Variants in FGF14 observed in about 807,000 individuals in gnomAD.
The protein encoded by FGF14 is fibroblast growth factor homologous factor 4.
A neutral mutation model predicts 25.5 loss-of-function variants in FGF14; 5 were observed. The observed-to-expected ratio is 0.20, with a 90% CI of 0.10 to 0.41. The LOEUF is 0.41. Ranked by LOEUF, FGF14 falls within the 10% of genes least tolerant of loss-of-function variation. The pLI, the probability that FGF14 is intolerant of heterozygous loss-of-function variation, is 1.00. For synonymous variants in FGF14, 138 were observed against 118.3 expected, an observed-to-expected ratio of 1.17 and a Z score of -1.08; for missense variants, 222 against 320.1, an observed-to-expected ratio of 0.69 and a Z score of 2.34.
At chr13:102,094,983 G>T (rs2044325255) in intron 1 of FGF14, among the ~76,000 whole-genome samples, 1 of 152,056 alleles carries the variant, frequency 6.6e-6, no homozygotes, top group African/African-American at 2.4e-5. Context: ...TTTATGGAAG[G>T]GGTTATCAAC....
chr13:101,790,658 G>T (rs2040183841), intron 3 of FGF14, among the ~76,000 whole-genome samples: 1 of 151,974 alleles, frequency 6.6e-6, no homozygotes, highest in African/African-American at 2.4e-5. Flanking sequence ...ACTTCAGCAT[G>T]CCTCATTGTC....
chr13:102,289,955 G>GA (rs1295733822), intron 1 of FGF14, among the ~76,000 whole-genome samples: 7 of 152,008 alleles, frequency 4.6e-5, no homozygotes, highest in African/African-American at 1.7e-4. Context: ...AGTGAAGTCA[G>GA]AACGTGGTAG....
chr13:102,364,333 T>G lies in FGF14; in HGVS notation c.208+37138A>C, dbSNP rs373486487. ...GACACTACTTTCATTCCAATTTGTT[T>G]TCATGGTTTTGAAATGTGTATAACA... On this transcript the variant is annotated intron_variant, in intron 1 of 4. Transcript: ENST00000376131. Among the ~76,000 whole-genome samples, 11 of 152,344 alleles carry G rather than the reference T, an allele frequency of 7.2e-5. No homozygotes were observed. The East Asian group carries it at 2.1e-3, about 29-fold the overall frequency.
At chr13:101,848,336 C>G (rs11619506) in intron 3 of FGF14, among the ~76,000 whole-genome samples, 33,147 of 151,564 alleles carry the variant, frequency 0.22, 4,041 homozygotes, top group East Asian at 0.52. Flanking sequence ...TCTTATATAC[C>G]ATCAGAATTA....
chr13:102,152,483 G>C (rs2047129353), intron 1 of FGF14, among the ~76,000 whole-genome samples: 1 of 152,160 alleles, frequency 6.6e-6, no homozygotes, highest in Non-Finnish European at 1.5e-5. Flanking sequence ...CTTCTCATAA[G>C]GATACAAGTC....
In FGF14 at chr13:101,937,757, G is replaced by A. The variant is rs567309200; in HGVS notation, c.209-62461C>T. On this transcript the variant is annotated intron_variant, in intron 1 of 4. Transcript: ENST00000376131. ...TGGGACTACAGGTGCTCACCACCACGCCCAGCTATTTTTTGTATTTTTAGT... is the reference window on the plus strand; with the variant it reads ...TGGGACTACAGGTGCTCACCACCACACCCAGCTATTTTTTGTATTTTTAGT... Among the ~76,000 whole-genome samples the A allele has an allele frequency of 2.0e-4, 31 of 152,108 alleles. No homozygotes were observed. The South Asian group carries it at 2.9e-3, about 14-fold the overall frequency.
chr13:102,079,179 C>G (rs1040787026), intron 1 of FGF14, among the ~76,000 whole-genome samples: 1 of 152,126 alleles, frequency 6.6e-6, no homozygotes. Flanking sequence ...CAGAGACACA[C>G]AGGATCTCTG....
At chr13:102,226,505 G>A (rs1024717412) in intron 1 of FGF14, among the ~76,000 whole-genome samples, 1 of 151,874 alleles carries the variant, frequency 6.6e-6, no homozygotes, top group Non-Finnish European at 1.5e-5. Context: ...ATAATATTTT[G>A]GAATGTAATA....
At chr13:102,095,130 G>C (rs989327342) in intron 1 of FGF14, among the ~76,000 whole-genome samples, 14 of 152,138 alleles carry the variant, frequency 9.2e-5, no homozygotes, top group African/African-American at 2.4e-5. Context: ...GGAGGAAACT[G>C]TGTCCAGATG....
chr13:102,090,838 T>G (rs2044133088), intron 1 of FGF14, among the ~76,000 whole-genome samples: 1 of 152,234 alleles, frequency 6.6e-6, no homozygotes, highest in Non-Finnish European at 1.5e-5. Context: ...TTTACAAGCC[T>G]TGAAGCTGAG....
chr13:101,762,591 C>T (rs990870639), intron 3 of FGF14, among the ~76,000 whole-genome samples: 4 of 152,102 alleles, frequency 2.6e-5, no homozygotes, highest in African/African-American at 7.2e-5. Context: ...GATTATGTAA[C>T]GTGGGTCAAG....
intron 1 of FGF14, chr13:101,967,579 T>C (rs2037293784): frequency 6.6e-6 from 1 of 152,472 alleles, no homozygotes; most frequent in Non-Finnish European, 1.5e-5. Context: ...AGTAAGCACA[T>C]CTGTTTTTAA....
At chr13:102,147,319 C>G (rs535794062) in intron 1 of FGF14, among the ~76,000 whole-genome samples, 1 of 152,242 alleles carries the variant, frequency 6.6e-6, no homozygotes, top group South Asian at 2.1e-4. Context: ...CTGAATTTGA[C>G]CAGGTAAGAT....
intron 1 of FGF14, among the ~76,000 whole-genome samples, chr13:102,254,898 C>T (rs969479532): frequency 2.0e-5 from 3 of 152,292 alleles, no homozygotes; most frequent in East Asian, 1.9e-4. Context: ...CACCAACTTG[C>T]TTCATGTTTT....
intron 3 of FGF14, among the ~76,000 whole-genome samples, chr13:101,812,592 T>C (rs1353066940): frequency 7.5e-6 from 1 of 133,548 alleles, no homozygotes; most frequent in East Asian, 2.2e-4. Context: ...TATATCACTA[T>C]TTTTTTATAT....
intron 1 of FGF14, among the ~76,000 whole-genome samples, chr13:102,374,692 A>G (rs1440506166): frequency 2.2e-5 from 2 of 90,694 alleles, no homozygotes; most frequent in African/African-American, 4.0e-5. Flanking sequence ...ATATATATAT[A>G]TATATGTCAG....
In FGF14 at chr13:101,760,479, T is replaced by C. The variant is rs562650963; in HGVS notation, c.409-33669A>G. 4.6e-5 allele frequency among the ~76,000 whole-genome samples: 7 copies of C among 152,330 alleles called. No individual in the cohort carries two copies. The South Asian group carries it at 1.2e-3, about 27-fold the overall frequency. ...AAGTGGCAACAAAATCGATGAAAAG[T>C]AAGCATAAAGTGCACTTTGAAAATG... On this transcript the variant is annotated intron_variant, in intron 3 of 4. Coordinates refer to ENST00000376143, the MANE Select transcript of FGF14 (RefSeq NM_004115.4).
intron 1 of FGF14, among the ~76,000 whole-genome samples, chr13:102,087,659 C>T (rs940273357): frequency 4.8e-5 from 7 of 146,838 alleles, no homozygotes; most frequent in African/African-American, 1.0e-4. Context: ...CTCCTGACCT[C>T]GTGATCTATC....
chr13:102,095,059 A>AACAATG (rs2044328953), intron 1 of FGF14, among the ~76,000 whole-genome samples: 3 of 152,014 alleles, frequency 2.0e-5, no homozygotes, highest in Non-Finnish European at 4.4e-5. Context: ...CATTGGAGAT[A>AACAATG]CCGTCATTGT....
Sources: allele counts gnomAD v4.1 joint callset (sites outside exome capture counted in the v4.1 genomes callset), GRCh38; gene constraint gnomAD v4.1.1; transcripts MANE v1.5; gene names NCBI Gene and HGNC (gene_info 2026-07-23, HGNC 2026-07-21).